HERC3: variants seen among roughly 807,000 people sequenced by gnomAD.
HERC3 encodes HECT and RLD domain containing E3 ubiquitin protein ligase 3.
A neutral mutation model predicts 129.9 loss-of-function variants in HERC3; 58 were observed. That is an observed-to-expected ratio of 0.45 (90% CI 0.36 to 0.56). The LOEUF (loss-of-function observed/expected upper bound fraction) is 0.56, where lower values mean the gene tolerates loss of function less well. HERC3 is among the 20% of genes least tolerant of loss of function. The pLI is 0.00. For missense variants in HERC3, 835 were observed against 1,244.2 expected (o/e 0.67, Z 4.95); for synonymous variants, 430 against 451.0 (o/e 0.95, Z 0.59).
chr4:88,562,382 T>C, the HERC3 span, among the ~76,000 whole-genome samples: 1 of 152,202 alleles, frequency 6.6e-6, no homozygotes, highest in Non-Finnish European at 1.5e-5. Context: ...TTTGAGCTCC[T>C]CATGTATTCA....
At chr4:88,691,079 A>G (rs1200855189) in intron 23 of HERC3, among the ~76,000 whole-genome samples, 1 of 152,246 alleles carries the variant, frequency 6.6e-6, no homozygotes, top group Non-Finnish European at 1.5e-5. Context: ...TTTGGATACT[A>G]GAAAGTAGAG....
chr4:88,573,555 A>C, the HERC3 span, among the ~76,000 whole-genome samples: 1 of 152,190 alleles, frequency 6.6e-6, no homozygotes, highest in Admixed American at 6.5e-5. Flanking sequence ...TCACCCTGTC[A>C]TCTGTGCATT....
chr4:88,667,523 A>T (rs200099461), intron 13 of HERC3, 35 bp downstream of exon 13: 1 of 1,199,278 alleles, frequency 8.3e-7, no homozygotes, highest in East Asian at 2.4e-5. Context: ...CATTCTTAAA[A>T]ATGCATTTTT....
the HERC3 span, among the ~76,000 whole-genome samples, chr4:88,571,373 T>C: frequency 0.43 from 66,115 of 152,136 alleles, 17,668 homozygotes; most frequent in African/African-American, 0.75. Context: ...TGGGATGATA[T>C]AAGTTTTAGG....
At chr4:88,588,993 T>A (rs965742955), upstream of HERC3, among the ~76,000 whole-genome samples, 5 of 152,102 alleles carry the variant, frequency 3.3e-5, no homozygotes, top group Non-Finnish European at 7.4e-5. Flanking sequence ...TGCTTGAGTC[T>A]AGGAGTTTGA....
intron 23 of HERC3, among the ~76,000 whole-genome samples, chr4:88,700,809 A>G (rs985928100): frequency 6.6e-6 from 1 of 152,202 alleles, no homozygotes; most frequent in Admixed American, 6.5e-5. Flanking sequence ...AATTCTGGCA[A>G]TAGTTAATAT....
At chr4:88,680,759 A>G (rs759229869) in intron 20 of HERC3, among the ~76,000 whole-genome samples, 7 of 152,366 alleles carry the variant, frequency 4.6e-5, no homozygotes, top group Non-Finnish European at 1.0e-4. Flanking sequence ...GGTTATTTAT[A>G]TATTATTTAT....
chr4:88,526,418 A>G, the HERC3 span, among the ~76,000 whole-genome samples: 692 of 152,318 alleles, frequency 4.5e-3, 6 homozygotes, highest in African/African-American at 0.016. Context: ...TTTCCACTAG[A>G]TGGCATCATT....
intron 5 of HERC3, among the ~76,000 whole-genome samples, 162 bp downstream of exon 5, chr4:88,652,250 C>T (rs1330724134): frequency 6.6e-6 from 1 of 152,172 alleles, no homozygotes; most frequent in African/African-American, 2.4e-5. Context: ...TTGCATAGCT[C>T]ATCCTTTTCT....
At chr4:88,581,808 T>G in the HERC3 span, among the ~76,000 whole-genome samples, 1 of 152,194 alleles carries the variant, frequency 6.6e-6, no homozygotes. Flanking sequence ...TTTATCTATG[T>G]TTTTTATAGA....
intron 22 of HERC3, 125 bp from the exon 23 acceptor site, chr4:88,687,092 C>T: frequency 2.9e-6 from 2 of 697,868 alleles, no homozygotes; most frequent in East Asian, 2.8e-5. Flanking sequence ...GATTATTCTC[C>T]CACTAATTTT....
chr4:88,644,095 T>G (rs1395135434), intron 3 of HERC3, among the ~76,000 whole-genome samples: 3 of 152,158 alleles, frequency 2.0e-5, no homozygotes, highest in Non-Finnish European at 4.4e-5. Flanking sequence ...ATTATACTTG[T>G]TAGAATGGGT....
At position 88,655,175 on chromosome 4, in the gene HERC3, G is replaced by A; in HGVS notation, c.779G>A (p.Ser260Asn). 2.5e-6 allele frequency: 4 copies of A among 1,613,784 alleles called. No homozygotes were observed. The highest frequency in any genetic ancestry group is 3.4e-6 in the Non-Finnish European group (4 of 1,179,752). ...GEEHTAVLTKSGGVFTFGAGS... is the reference protein window; with the variant it reads ...GEEHTAVLTKNGGVFTFGAGS... The stretch of plus-strand genomic sequence containing the variant: ...CCTATGGTGTTTGTTCCTTGTTAGA[G>A]TGGAGGTGTGTTTACCTTTGGCGCT... Residue 260 changes from serine (S) to asparagine (N), a missense_variant and splice_region_variant, in exon 8 of 26, where the codon AGT (serine) becomes AAT (asparagine). Ser to Asn is a conservative substitution (Grantham distance 46). Transcript: ENST00000402738.
the HERC3 span, among the ~76,000 whole-genome samples, chr4:88,538,823 G>A: frequency 5.3e-5 from 8 of 152,092 alleles, no homozygotes; most frequent in African/African-American, 1.9e-4. Context: ...GATTACAGGC[G>A]TGAGCCACCA....
At chr4:88,659,243 T>A (rs1730233455) in intron 10 of HERC3, among the ~76,000 whole-genome samples, 1 of 152,202 alleles carries the variant, frequency 6.6e-6, no homozygotes, top group Admixed American at 6.5e-5. Context: ...GAGTGGTGCA[T>A]GGATCCTTAT....
At chr4:88,693,753 CG>C in intron 23 of HERC3, 1 of 880,146 alleles carries the variant, frequency 1.1e-6, no homozygotes, top group Non-Finnish European at 1.4e-6. Flanking sequence ...CAGTAAGCAT[CG>C]GCATGCCAGT....
chr4:88,601,508 C>G (rs1471413365), intron 2 of HERC3, among the ~76,000 whole-genome samples: 1 of 152,208 alleles, frequency 6.6e-6, no homozygotes, highest in Non-Finnish European at 1.5e-5. Flanking sequence ...TGACAGTTCT[C>G]TCCTGTAGAT....
chr4:88,673,694 A>G lies in HERC3; in HGVS notation c.1912-2524A>G, dbSNP rs143277725. The stretch of plus-strand genomic sequence containing the variant: ...GCAGATTTATTTTGTATAATATGGA[A>G]ATACCAGTGTGAGTACAATTTCTAA... On this transcript the variant is annotated intron_variant, in intron 16 of 25. Transcript: ENST00000402738. 5.0e-4 allele frequency among the ~76,000 whole-genome samples: 76 copies of G among 152,338 alleles called. No homozygotes were observed. The South Asian group carries it at 8.9e-3, about 18-fold the overall frequency.
rs141109747 is a variant in HERC3 at position 88,663,375 on chromosome 4, G to C, written c.1272-778G>C. Among the ~76,000 whole-genome samples the C allele has an allele frequency of 4.4e-3, 668 of 152,284 alleles. 13 individuals are homozygous for C. Among genetic ancestry groups the C allele is most frequent in the African/African-American group, 0.015 (637 of 41,562 alleles). The stretch of plus-strand genomic sequence containing the variant: ...GCTCTGCCAAGGAGCTCAGGCTGAA[G>C]GGTCGCAGGGGAGAGGAGATGAGGG... On this transcript the variant is annotated intron_variant, in intron 11 of 25. Transcript: ENST00000402738.
Sources: allele counts gnomAD v4.1 joint callset (sites outside exome capture counted in the v4.1 genomes callset), GRCh38; gene constraint gnomAD v4.1.1; transcripts MANE v1.5; gene names NCBI Gene and HGNC (gene_info 2026-07-23, HGNC 2026-07-21).